The following RNF144A variants were observed in gnomAD, a reference collection of about 807,000 sequenced individuals.
RNF144A encodes ring finger protein 144A.
A neutral mutation model predicts 38.7 loss-of-function variants in RNF144A; 11 were observed. That is an observed-to-expected ratio of 0.28 (90% CI 0.18 to 0.47). The LOEUF is 0.47. Ranked by LOEUF, RNF144A falls within the 20% of genes least tolerant of loss-of-function variation. The pLI, the probability that RNF144A is intolerant of heterozygous loss-of-function variation, is 0.99. For missense variants in RNF144A, 316 were observed against 377.2 expected (o/e 0.84, Z 1.34); for synonymous variants, 149 against 143.9 (o/e 1.04, Z -0.25).
intron 2 of RNF144A, among the ~76,000 whole-genome samples, chr2:6,993,745 G>T (rs1257269651): frequency 6.6e-6 from 1 of 152,106 alleles, no homozygotes; most frequent in East Asian, 1.9e-4. Flanking sequence ...CCATTGGATT[G>T]AACTTCCGAA....
chr2:6,974,324 G>T (rs1343651102), intron 2 of RNF144A, among the ~76,000 whole-genome samples: 1 of 152,132 alleles, frequency 6.6e-6, no homozygotes, highest in Non-Finnish European at 1.5e-5. Flanking sequence ...CAGAGCATGG[G>T]GCTGGTTGCA....
At chr2:6,919,545 G>A (rs550682711) in intron 1 of RNF144A, among the ~76,000 whole-genome samples, 1 of 152,202 alleles carries the variant, frequency 6.6e-6, no homozygotes, top group Non-Finnish European at 1.5e-5. Context: ...GGAGGAGGAG[G>A]GTGATCTGAG....
chr2:6,980,109 T>C (rs931576055), intron 2 of RNF144A, among the ~76,000 whole-genome samples: 1 of 152,228 alleles, frequency 6.6e-6, no homozygotes, highest in African/African-American at 2.4e-5. Context: ...AGTCACCTCC[T>C]ACTGGGTCTG....
rs116363867 is a variant in RNF144A at position 7,042,334 on chromosome 2, G to A, written c.*2574G>A. 4,173 of 985,380 alleles carry A rather than the reference G, an allele frequency of 4.2e-3. 12 individuals carry two copies. The highest frequency in any genetic ancestry group is 4.7e-3 in the Non-Finnish European group (3,910 of 829,920). The allele number at this position is 985,380 out of a possible 1,614,324, so 61.0% of individuals were successfully genotyped here. The stretch of plus-strand genomic sequence containing the variant: ...CCCAGTAAAACCTGGGGAGTTCTGC[G>A]TTGAGTGGACGGACTTATTCCTGTG... On this transcript the variant is annotated 3_prime_UTR_variant, in exon 9 of 9. Transcript: ENST00000320892.
At chr2:7,003,752 C>CAA (rs1670265918) in intron 3 of RNF144A, among the ~76,000 whole-genome samples, 2 of 152,238 alleles carry the variant, frequency 1.3e-5, no homozygotes, top group Admixed American at 1.3e-4. Flanking sequence ...GTGAGCAAAG[C>CAA]CTGCGAGAGG....
chr2:6,993,616 G>T (rs1184125231), intron 2 of RNF144A, among the ~76,000 whole-genome samples: 1 of 152,174 alleles, frequency 6.6e-6, no homozygotes, highest in African/African-American at 2.4e-5. Flanking sequence ...GAGCGGTTAA[G>T]CTCTGCCTCT....
intron 1 of RNF144A, among the ~76,000 whole-genome samples, chr2:6,927,814 C>A (rs927153141): frequency 6.6e-6 from 1 of 152,202 alleles, no homozygotes; most frequent in South Asian, 2.1e-4. Flanking sequence ...ATTTCCCATG[C>A]TTTTTAATAA....
chr2:6,938,136 T>C (rs1229418943), intron 1 of RNF144A, among the ~76,000 whole-genome samples: 1 of 152,130 alleles, frequency 6.6e-6, no homozygotes, highest in Non-Finnish European at 1.5e-5. Flanking sequence ...ACAAAAGCTA[T>C]ACTGAGAAAG....
intron 1 of RNF144A, among the ~76,000 whole-genome samples, chr2:6,932,675 A>G (rs778066332): frequency 6.6e-6 from 1 of 152,200 alleles, no homozygotes; most frequent in South Asian, 2.1e-4. Context: ...CTTTGTGAGC[A>G]GTTTAAGCCT....
intron 2 of RNF144A, among the ~76,000 whole-genome samples, chr2:6,954,181 T>A (rs975036461): frequency 3.9e-5 from 6 of 152,142 alleles, no homozygotes; most frequent in African/African-American, 7.2e-5. Flanking sequence ...TTATTTTTTA[T>A]GACTTTAATA....
intron 5 of RNF144A, among the ~76,000 whole-genome samples, chr2:7,017,241 G>A (rs1481610780): frequency 1.3e-5 from 2 of 151,760 alleles, no homozygotes; most frequent in East Asian, 1.9e-4. Context: ...TCATGCCTTC[G>A]TCCCATGCCA....
At chr2:6,984,469 A>C (rs1052584536) in intron 2 of RNF144A, among the ~76,000 whole-genome samples, 5 of 151,754 alleles carry the variant, frequency 3.3e-5, no homozygotes, top group Non-Finnish European at 7.4e-5. Flanking sequence ...CATCCGCGCT[A>C]ATTTTTGTAT....
chr2:6,954,525 T>A (rs1490576998), intron 2 of RNF144A, among the ~76,000 whole-genome samples: 1 of 152,238 alleles, frequency 6.6e-6, no homozygotes, highest in African/African-American at 2.4e-5. Context: ...CTTGATAGAA[T>A]CTAATTCATC....
At chr2:6,922,849 C>A (rs973335329) in intron 1 of RNF144A, among the ~76,000 whole-genome samples, 4 of 152,100 alleles carry the variant, frequency 2.6e-5, no homozygotes, top group East Asian at 3.9e-4. Context: ...TGGTGTTGAT[C>A]TCCTGATCTC....
At chr2:7,045,936 G>A (rs1038469592), downstream of RNF144A, among the ~76,000 whole-genome samples, 3 of 152,148 alleles carry the variant, frequency 2.0e-5, no homozygotes, top group Non-Finnish European at 2.9e-5. Context: ...AACAATGATG[G>A]TTAAGCAAAA....
chr2:7,025,249 C>T (rs1234089962), intron 7 of RNF144A, among the ~76,000 whole-genome samples: 1 of 152,244 alleles, frequency 6.6e-6, no homozygotes, highest in Non-Finnish European at 1.5e-5. Flanking sequence ...GCTTTGAGGC[C>T]TGATGCACAG....
intron 6 of RNF144A, among the ~76,000 whole-genome samples, chr2:7,051,633 A>G (rs1673531515): frequency 6.6e-6 from 1 of 152,234 alleles, no homozygotes; most frequent in African/African-American, 2.4e-5. Flanking sequence ...TCACGCCTGT[A>G]ATCCCAGCAC....
intron 1 of RNF144A, among the ~76,000 whole-genome samples, chr2:6,939,472 C>A (rs372835140): frequency 6.6e-6 from 1 of 152,080 alleles, no homozygotes; most frequent in Non-Finnish European, 1.5e-5. Flanking sequence ...ATTCTGAATC[C>A]GAGGCCTTTA....
At chr2:6,946,504 A>G (rs1205407437) in intron 2 of RNF144A, among the ~76,000 whole-genome samples, 1 of 151,940 alleles carries the variant, frequency 6.6e-6, no homozygotes, top group East Asian at 1.9e-4. Context: ...TATATATGAT[A>G]TAAATAAATA....
Sources: allele counts gnomAD v4.1 joint callset (sites outside exome capture counted in the v4.1 genomes callset), GRCh38; gene constraint gnomAD v4.1.1; transcripts MANE v1.5; gene names NCBI Gene and HGNC (gene_info 2026-07-23, HGNC 2026-07-21).